SRGAP3: variants seen among roughly 807,000 people sequenced by gnomAD.
SRGAP3 encodes the protein SLIT-ROBO Rho GTPase activating protein 3, also known as SLIT-ROBO Rho GTPase-activating protein 3.
Under a neutral mutation model 121.1 loss-of-function variants are expected in SRGAP3, and 39 were observed. That is an observed-to-expected ratio of 0.32 (90% CI 0.25 to 0.42). The LOEUF (loss-of-function observed/expected upper bound fraction) is 0.42. Among genes scored for constraint, SRGAP3 ranks in the 10% least tolerant of loss-of-function variants. SRGAP3 has a pLI of 1.00. For missense variants in SRGAP3, 1,213 were observed against 1,470.6 expected, an observed-to-expected ratio of 0.82 and a Z score of 2.86; for synonymous variants, 601 against 570.0, an observed-to-expected ratio of 1.05 and a Z score of -0.77.
intron 11 of SRGAP3, chr3:9,037,786 C>T: frequency 1.8e-6 from 1 of 551,526 alleles, no homozygotes; most frequent in South Asian, 2.0e-5. Flanking sequence ...ACTGTCTCAC[C>T]CGATGGCCAG....
chr3:9,113,907 T>C (rs1386357689), intron 2 of SRGAP3, among the ~76,000 whole-genome samples: 1 of 152,178 alleles, frequency 6.6e-6, no homozygotes, highest in Non-Finnish European at 1.5e-5. Flanking sequence ...CTTTATAAAT[T>C]ACTTTATAAA....
chr3:9,107,976 A>G (rs1336946609), intron 2 of SRGAP3, among the ~76,000 whole-genome samples: 2 of 152,212 alleles, frequency 1.3e-5, no homozygotes, highest in Admixed American at 6.5e-5. Flanking sequence ...GAAGTCAGAG[A>G]GAGGATGGAA....
intron 1 of SRGAP3, among the ~76,000 whole-genome samples, chr3:9,185,314 G>A (rs1362487423): frequency 6.6e-6 from 1 of 152,130 alleles, no homozygotes; most frequent in African/African-American, 2.4e-5. Flanking sequence ...TACCTGGCGA[G>A]GCCAGATTCC....
At chr3:9,080,197 G>A in intron 3 of SRGAP3, 110 bp from the exon 4 acceptor site, 2 of 1,017,324 alleles carry the variant, frequency 2.0e-6, no homozygotes, top group Non-Finnish European at 3.0e-6. Context: ...GTCAGAAGGG[G>A]TACAGAAATC....
At chr3:9,090,271 C>T (rs1206947944) in intron 3 of SRGAP3, among the ~76,000 whole-genome samples, 1 of 152,078 alleles carries the variant, frequency 6.6e-6, no homozygotes, top group Non-Finnish European at 1.5e-5. Context: ...AAAGAGTTTC[C>T]CACAATGCCG....
At chr3:9,053,852 T>C (rs1189050813) in intron 8 of SRGAP3, among the ~76,000 whole-genome samples, 3 of 152,252 alleles carry the variant, frequency 2.0e-5, no homozygotes, top group African/African-American at 7.2e-5. Flanking sequence ...CCACGGGCCC[T>C]GACCTTACAA....
intron 1 of SRGAP3, among the ~76,000 whole-genome samples, chr3:9,165,047 T>C (rs781618412): frequency 6.6e-6 from 1 of 152,218 alleles, no homozygotes; most frequent in African/African-American, 2.4e-5. Flanking sequence ...CCTTGGGGGA[T>C]GCAGAGGCAG....
At chr3:9,140,122 T>TACAC (rs35572227) in intron 1 of SRGAP3, among the ~76,000 whole-genome samples, 5,028 of 140,078 alleles carry the variant, frequency 0.036, 94 homozygotes, top group Non-Finnish European at 0.043. Flanking sequence ...CTCAGAGGCA[T>TACAC]ACACACACAC....
chr3:9,353,275 C>A (rs940301432), intron 1 of SRGAP3, among the ~76,000 whole-genome samples: 4 of 152,224 alleles, frequency 2.6e-5, no homozygotes, highest in Non-Finnish European at 4.4e-5. Flanking sequence ...TCAGGACATT[C>A]GCTGTATTTG....
Position 9,249,001 on chromosome 3 carries a change from TTTC to T in SRGAP3, c.-53_-51del. 6.3e-7 allele frequency: 1 copy of T among 1,585,072 alleles called. No homozygotes were observed. The highest frequency in any genetic ancestry group is 8.7e-7 in the Non-Finnish European group (1 of 1,153,646). On this transcript the variant is annotated 5_prime_UTR_variant, in exon 1 of 22. Transcript: ENST00000383836. ...ACAGGCTGTTTGATTTATTTCTCCTTTTCTTTTCGAGTCCTCTCTCAAGCCCTG... is the reference window on the plus strand; with the variant it reads ...ACAGGCTGTTTGATTTATTTCTCCTTTTTTCGAGTCCTCTCTCAAGCCCTG...
intron 3 of SRGAP3, among the ~76,000 whole-genome samples, chr3:9,303,956 C>A (rs562706042): frequency 1.3e-5 from 2 of 152,268 alleles, no homozygotes; most frequent in South Asian, 4.1e-4. Flanking sequence ...TGAGTAAGTA[C>A]TCCTGAACTG....
At position 8,982,912 on chromosome 3, in the gene SRGAP3, T is replaced by G. The variant is rs1396650455; in HGVS notation, c.*2607A>C. ...CTCAGAAAATTCAGTGAAAGGCAGG[T>G]CCATTTTCAGTAAGAAAAAAACAAA... On this transcript the variant is annotated 3_prime_UTR_variant, in exon 22 of 22. Transcript: ENST00000383836. The G allele has an allele frequency of 4.4e-6, 1 of 228,016 alleles. No individual in the cohort carries two copies. Among genetic ancestry groups the G allele is most frequent in the Non-Finnish European group, 8.7e-6 (1 of 115,378 alleles). 14.1% of individuals were successfully genotyped at this position (228,016 alleles called of 1,614,324 possible).
chr3:9,085,675 C>A (rs1269484804), intron 3 of SRGAP3, among the ~76,000 whole-genome samples: 2 of 152,104 alleles, frequency 1.3e-5, no homozygotes, highest in Non-Finnish European at 2.9e-5. Flanking sequence ...ATGAATGAAG[C>A]TGGAAGCCAT....
intron 3 of SRGAP3, among the ~76,000 whole-genome samples, chr3:9,270,187 T>C (rs17050207): frequency 0.047 from 7,203 of 152,256 alleles, 578 homozygotes; most frequent in African/African-American, 0.16. Context: ...CACAGTTGTT[T>C]TGAAGGCTGC....
intron 4 of SRGAP3, among the ~76,000 whole-genome samples, chr3:9,074,150 C>T (rs898797035): frequency 7.2e-5 from 11 of 152,168 alleles, no homozygotes; most frequent in African/African-American, 2.4e-4. Flanking sequence ...GAGGAGGTGG[C>T]TGCACGTTTT....
chr3:9,346,912 C>T (rs1193937723), intron 1 of SRGAP3, among the ~76,000 whole-genome samples: 7 of 152,092 alleles, frequency 4.6e-5, no homozygotes, highest in Admixed American at 2.6e-4. Context: ...CCTGCCACCA[C>T]ACCTGGCTAG....
At chr3:9,158,198 T>A (rs1950485889) in intron 1 of SRGAP3, among the ~76,000 whole-genome samples, 1 of 152,160 alleles carries the variant, frequency 6.6e-6, no homozygotes, top group Admixed American at 6.5e-5. Flanking sequence ...GGCTCTCCTG[T>A]CCGCTCAAAC....
intron 3 of SRGAP3, among the ~76,000 whole-genome samples, chr3:9,289,906 G>C (rs1212779237): frequency 6.6e-6 from 1 of 152,150 alleles, no homozygotes; most frequent in African/African-American, 2.4e-5. Flanking sequence ...TCAGGAGTTT[G>C]AGACCAGCCT....
intron 3 of SRGAP3, among the ~76,000 whole-genome samples, chr3:9,103,876 T>C (rs1240745768): frequency 1.3e-5 from 2 of 152,204 alleles, no homozygotes; most frequent in Non-Finnish European, 2.9e-5. Flanking sequence ...TCTGGATGTT[T>C]ATATGGGTAA....
Sources: allele counts gnomAD v4.1 joint callset (sites outside exome capture counted in the v4.1 genomes callset), GRCh38; gene constraint gnomAD v4.1.1; transcripts MANE v1.5; gene names NCBI Gene and HGNC (gene_info 2026-07-23, HGNC 2026-07-21).